VPS13D: variants seen among roughly 807,000 people sequenced by gnomAD.
The protein encoded by VPS13D is vacuolar protein sorting 13 homolog D.
A neutral mutation model predicts 461.9 loss-of-function variants in VPS13D; 187 were observed. The ratio of observed to expected loss-of-function variants is 0.40; its 90% CI spans 0.36 to 0.46. VPS13D has a LOEUF of 0.46. Ranked by LOEUF, VPS13D falls within the 20% of genes least tolerant of loss-of-function variation. The pLI, the probability that VPS13D is intolerant of heterozygous loss-of-function variation, is 0.60. For synonymous variants in VPS13D, 1,951 were observed against 1,986.3 expected, an observed-to-expected ratio of 0.98 and a Z score of 0.47; for missense variants, 4,711 against 5,364.9, an observed-to-expected ratio of 0.88 and a Z score of 3.81.
rs770477026 is a variant in VPS13D at position 12,386,165 on chromosome 1, A to G, written c.11485-20A>G. On this transcript the variant is annotated intron_variant, in intron 59 of 69. Transcript: ENST00000620676. ...CTGTGTTTAAAACAATCAGGGTGCC[A>G]TATTTTGGTTTCCTTTCAGGTGCTT... The G allele has an allele frequency of 1.9e-6, 3 of 1,600,552 alleles. No individual in the cohort carries two copies. Among genetic ancestry groups the G allele is most frequent in the East Asian group, 2.2e-5 (1 of 44,634 alleles).
chr1:12,477,752 C>T (rs1439903841), intron 67 of VPS13D, among the ~76,000 whole-genome samples: 2 of 152,146 alleles, frequency 1.3e-5, no homozygotes, highest in Admixed American at 6.5e-5. Flanking sequence ...TCACATACAG[C>T]ACTCACGTAT....
At chr1:12,239,143 T>C (rs1004167702) in intron 2 of VPS13D, among the ~76,000 whole-genome samples, 1 of 152,042 alleles carries the variant, frequency 6.6e-6, no homozygotes, top group Non-Finnish European at 1.5e-5. Context: ...CTTTTTTTCT[T>C]TTTTCTTTTT....
chr1:12,412,953 G>A (rs1186799562), intron 63 of VPS13D, among the ~76,000 whole-genome samples: 1 of 152,062 alleles, frequency 6.6e-6, no homozygotes, highest in Non-Finnish European at 1.5e-5. Context: ...AAAGCAGTAA[G>A]AAATAAAAAA....
At chr1:12,273,568 C>T (rs191505748) in intron 18 of VPS13D, among the ~76,000 whole-genome samples, 8 of 152,304 alleles carry the variant, frequency 5.3e-5, no homozygotes, top group Non-Finnish European at 8.8e-5. Context: ...TTCCCCTTCT[C>T]GCTCCCCATC....
chr1:12,323,608 C>G, intron 34 of VPS13D, 98 bp from the exon 35 acceptor site: 1 of 1,206,728 alleles, frequency 8.3e-7, no homozygotes, highest in Non-Finnish European at 1.2e-6. Context: ...ATGTTTTAGT[C>G]ACGGGTTTTT....
Position 12,291,058 on chromosome 1 carries a change from A to G in VPS13D, c.5786A>G (p.His1929Arg). 3 of 1,614,134 alleles carry G rather than the reference A, an allele frequency of 1.9e-6. No individual in the cohort carries two copies. Among genetic ancestry groups the G allele is most frequent in the African/African-American group, 1.3e-5 (1 of 75,044 alleles). ...CTGTCTCTAAGTGACCTCACATGCC[A>G]TGGAGAGTTCTACAGAGAACGGTTC... ...GSLSLSDLTC[H>R]GEFYRERFTT... Residue 1929 changes from histidine to arginine, a missense_variant, in exon 23 of 70, where the codon CAT becomes CGT. Coordinates refer to ENST00000620676, the MANE Select transcript of VPS13D (RefSeq NM_015378.4).
At chr1:12,459,288 A>G (rs1215665458) in intron 66 of VPS13D, among the ~76,000 whole-genome samples, 1 of 152,192 alleles carries the variant, frequency 6.6e-6, no homozygotes, top group Non-Finnish European at 1.5e-5. Context: ...ACAATAAATA[A>G]TCTAGAGGTG....
chr1:12,261,088 G>C lies in VPS13D; in HGVS notation c.1353G>C (p.Gly451=), dbSNP rs755110629. 4 of 1,614,198 alleles carry C rather than the reference G, an allele frequency of 2.5e-6. No individual in the cohort carries two copies. The highest frequency in any genetic ancestry group is 1.7e-5 in the Admixed American group (1 of 60,024). Residue 451 remains glycine, a synonymous_variant, in exon 12 of 70, where the codon GGG becomes GGC. Transcript: ENST00000620676. The stretch of plus-strand genomic sequence containing the variant: ...GGTACGGGCAGCAGACCCCAGAAGG[G>C]AATGTGGTTGAGGGACTGTCAGCAG... ...GGWYGQQTPE[G]NVVEGLSAEQ... is the part of the protein sequence containing the mutation.
chr1:12,284,743 G>T (rs1641911792), intron 21 of VPS13D, among the ~76,000 whole-genome samples: 1 of 152,202 alleles, frequency 6.6e-6, no homozygotes, highest in Non-Finnish European at 1.5e-5. Flanking sequence ...TTATCCTGTT[G>T]CCATTTTCTT....
chr1:12,362,611 G>T, intron 50 of VPS13D, 109 bp from the exon 51 acceptor site: 1 of 1,105,094 alleles, frequency 9.0e-7, no homozygotes, highest in Non-Finnish European at 1.3e-6. Context: ...GGGTGATACA[G>T]TTATTTTCTC....
At chr1:12,232,146 C>T (rs1388818466) in intron 1 of VPS13D, among the ~76,000 whole-genome samples, 2 of 145,320 alleles carry the variant, frequency 1.4e-5, no homozygotes, top group African/African-American at 5.6e-5. Flanking sequence ...CTTTATATTC[C>T]ATTTGCAGAA....
At chr1:12,414,981 AT>A (rs1259178765) in intron 63 of VPS13D, 105 bp from the exon 64 acceptor site, 1 of 1,358,110 alleles carries the variant, frequency 7.4e-7, no homozygotes, top group Non-Finnish European at 1.0e-6. Context: ...CCTGACCCTC[AT>A]TCGAAAGTTA....
intron 60 of VPS13D, among the ~76,000 whole-genome samples, chr1:12,396,008 T>TATATATATATAC (rs1644491914): frequency 7.6e-6 from 1 of 132,146 alleles, no homozygotes; most frequent in Non-Finnish European, 1.6e-5. Context: ...TATATATATA[T>TATATATATATAC]ATATATATAT....
chr1:12,443,209 T>TAAGTATAATATAA (rs1645151041), intron 65 of VPS13D, among the ~76,000 whole-genome samples: 1 of 152,254 alleles, frequency 6.6e-6, no homozygotes, highest in Non-Finnish European at 1.5e-5. Flanking sequence ...TTCTGCCTGT[T>TAAGTATAATATAA]TTTAACTCAC....
intron 25 of VPS13D, among the ~76,000 whole-genome samples, chr1:12,300,711 A>G (rs1263965116): frequency 6.6e-5 from 10 of 152,204 alleles, no homozygotes; most frequent in Admixed American, 5.2e-4. Context: ...GAGAATAAAC[A>G]GTAAAAATGG....
At chr1:12,504,306 C>T (rs1646075392) in intron 68 of VPS13D, among the ~76,000 whole-genome samples, 1 of 152,132 alleles carries the variant, frequency 6.6e-6, no homozygotes, top group African/African-American at 2.4e-5. Context: ...GCTGTGGCCT[C>T]ACTCTCTCCC....
chr1:12,431,651 T>C (rs180792519), intron 65 of VPS13D, among the ~76,000 whole-genome samples: 8 of 151,612 alleles, frequency 5.3e-5, no homozygotes, highest in Non-Finnish European at 7.4e-5. Context: ...ATACTCGTCT[T>C]GGTATCTTTA....
rs1202066940 is a variant in VPS13D at position 12,282,934 on chromosome 1, A to C, written c.4832A>C (p.Glu1611Ala). The C allele has an allele frequency of 6.2e-7, 1 of 1,614,172 alleles. No homozygotes were observed. The highest frequency in any genetic ancestry group is 8.5e-7 in the Non-Finnish European group (1 of 1,180,016). The change falls in exon 21 of 70, where the codon GAA becomes GCA. Residue 1611 changes from glutamate to alanine, a missense_variant. By Grantham distance (107) the Glu-to-Ala change is moderately radical. This residue lies in a region of VPS13D where 4,411 missense variants were observed against 4,937.8 expected (regional missense o/e 0.89). Coordinates refer to ENST00000620676, the MANE Select transcript of VPS13D (RefSeq NM_015378.4). ...NTSQKSLSVK[E>A]VKSFTQIQAT... ...TCTCAGAAGTCATTGTCAGTGAAGG[A>C]AGTCAAATCCTTTACTCAGATTCAA...
intron 35 of VPS13D, among the ~76,000 whole-genome samples, chr1:12,327,289 G>T (rs1643214602): frequency 6.6e-6 from 1 of 152,196 alleles, no homozygotes; most frequent in Non-Finnish European, 1.5e-5. Flanking sequence ...GTGGCGCCGT[G>T]TCTGGATCCT....
Sources: allele counts gnomAD v4.1 joint callset (sites outside exome capture counted in the v4.1 genomes callset), GRCh38; gene constraint gnomAD v4.1.1; regional missense constraint gnomAD v4.1.1; transcripts MANE v1.5; gene names NCBI Gene and HGNC (gene_info 2026-07-23, HGNC 2026-07-21).